ABCC5: variants seen among roughly 807,000 people sequenced by gnomAD.
ABCC5 encodes ATP binding cassette subfamily C member 5.
Under a neutral mutation model 160.9 loss-of-function variants are expected in ABCC5, and 61 were observed. The ratio of observed to expected loss-of-function variants is 0.38; its 90% CI spans 0.31 to 0.47. The LOEUF is 0.47. ABCC5 is among the 20% of genes least tolerant of loss of function. The pLI is 0.99. For missense variants in ABCC5, 1,308 were observed against 1,813.3 expected, an observed-to-expected ratio of 0.72 and a Z score of 5.06; for synonymous variants, 666 against 700.6, an observed-to-expected ratio of 0.95 and a Z score of 0.78.
chr3:183,924,009 G>GTT (rs1712266666), intron 29 of ABCC5, among the ~76,000 whole-genome samples: 1 of 88,920 alleles, frequency 1.1e-5, no homozygotes, highest in African/African-American at 4.4e-5. Flanking sequence ...TTTACTGTTT[G>GTT]CTTTTTTTTT....
intron 2 of ABCC5, among the ~76,000 whole-genome samples, chr3:183,997,974 G>A (rs1015941180): frequency 2.0e-4 from 30 of 152,006 alleles, no homozygotes; most frequent in African/African-American, 5.8e-4. Context: ...TTGTAGAGAC[G>A]GGTTCTTACT....
chr3:183,921,284 C>G lies in ABCC5; in HGVS notation c.*16G>C, dbSNP rs529958391. On this transcript the variant is annotated 3_prime_UTR_variant, in exon 30 of 30. Transcript: ENST00000334444. This position sits in a 1 kb window ranked among gnomAD's most constrained non-coding sequence, Gnocchi z 4.1. ...GCAATGCTCTAAAGAAAAGAGACTTCGTCAACAGGGAGGAGTCAGCCCTTG... is the reference window on the plus strand; with the variant it reads ...GCAATGCTCTAAAGAAAAGAGACTTGGTCAACAGGGAGGAGTCAGCCCTTG... The G allele has an allele frequency of 7.6e-6, 11 of 1,441,538 alleles. No homozygotes were observed. The highest frequency in any genetic ancestry group is 1.1e-5 in the Non-Finnish European group (11 of 1,031,790). 89.3% of individuals were successfully genotyped at this position (1,441,538 alleles called of 1,614,324 possible).
Position 183,921,540 on chromosome 3 carries a change from C to A in ABCC5, c.4213-139G>T. ...TCAACTAGCCCTGCGTGCACCTCCC[C>A]CCTTATTTTTTTATTTTCAACTATC... On this transcript the variant is annotated intron_variant, in intron 29 of 29. Transcript: ENST00000334444. This position sits in a 1 kb window ranked among gnomAD's most constrained non-coding sequence, Gnocchi z 4.1. 1 of 570,912 alleles carries A rather than the reference C, an allele frequency of 1.8e-6. No individual in the cohort carries two copies. The highest frequency in any genetic ancestry group is 2.8e-6 in the Non-Finnish European group (1 of 353,448). 35.4% of individuals were successfully genotyped at this position (570,912 alleles called of 1,614,324 possible).
chr3:183,942,856 G>A lies in ABCC5; in HGVS notation c.3565C>T (p.Gln1189Ter). 1 of 1,614,100 alleles carries A rather than the reference G, an allele frequency of 6.2e-7. No homozygotes were observed. Among genetic ancestry groups the A allele is most frequent in the Non-Finnish European group, 8.5e-7 (1 of 1,179,988 alleles). ...KNKAPSPDWPQEGEVTFENAE... is the reference protein window; with the variant it reads ...KNKAPSPDWP The stretch of plus-strand genomic sequence containing the variant: ...TTCTCAAAGGTCACCTCTCCCTCCT[G>A]GGGCCAGTCAGGGGAGGGAGCCTTG... Residue 1189 changes from glutamine to a stop codon, truncating the protein, a stop_gained, in exon 25 of 30, where the codon CAG becomes TAG. Coordinates refer to ENST00000334444, the MANE Select transcript of ABCC5 (RefSeq NM_005688.4). LOFTEE classifies it high-confidence loss of function.
Position 183,951,914 on chromosome 3 carries a change from G to C in ABCC5, c.2757C>G (p.Ala919=), listed in dbSNP as rs1460339837. ...GGATCAGCATGACTGCCATGGAGAG[G>C]GCGTAGATGCTGGCATAGTACTGCA... ...PHMQYYASIY[A]LSMAVMLILK... is the part of the protein sequence containing the mutation. Residue 919 remains alanine, a synonymous_variant, in exon 19 of 30, where the codon GCC becomes GCG. Transcript: ENST00000334444. This position sits in a 1 kb window ranked among gnomAD's most constrained non-coding sequence, Gnocchi z 4.7. 6.2e-7 allele frequency: 1 copy of C among 1,614,060 alleles called. No homozygotes were observed. The highest frequency in any genetic ancestry group is 1.1e-5 in the South Asian group (1 of 91,070).
intron 2 of ABCC5, among the ~76,000 whole-genome samples, chr3:184,008,147 G>C (rs1478072682): frequency 6.6e-6 from 1 of 152,152 alleles, no homozygotes; most frequent in Non-Finnish European, 1.5e-5. Context: ...TCTATTGGTG[G>C]ACAAGCAGGC....
Position 183,987,875 on chromosome 3 carries a change from T to C in ABCC5, c.486A>G (p.Pro162=). 1 of 1,614,172 alleles carries C rather than the reference T, an allele frequency of 6.2e-7. No homozygotes were observed. The highest frequency in any genetic ancestry group is 8.5e-7 in the Non-Finnish European group (1 of 1,180,044). ...LWQEELNEVG[P]DAASLRRVVW... The stretch of plus-strand genomic sequence containing the variant: ...CAACCCTTCGCAGGGAAGCAGCGTC[T>C]GGCCCAACTTCATTCAGCTCTTCTT... The change falls in exon 5 of 30, where the codon CCA becomes CCG. Residue 162 remains proline, a synonymous_variant. Coordinates refer to ENST00000334444, the MANE Select transcript of ABCC5 (RefSeq NM_005688.4). The surrounding 1 kb of genome is among the most constrained non-coding windows in gnomAD (Gnocchi z 4.2).
chr3:183,989,157 C>CAA (rs34892836), intron 3 of ABCC5, 69 bp downstream of exon 3: 1,615 of 568,662 alleles, frequency 2.8e-3, no homozygotes, highest in South Asian at 6.4e-3. Context: ...GACTCCATCT[C>CAA]AAAAAAAAAA....
At chr3:184,008,054 G>A (rs2108917038) in intron 2 of ABCC5, among the ~76,000 whole-genome samples, 1 of 152,250 alleles carries the variant, frequency 6.6e-6, no homozygotes, top group Middle Eastern at 3.4e-3. Flanking sequence ...TTCCCTGAGA[G>A]AGAAGCACTT....
intron 29 of ABCC5, among the ~76,000 whole-genome samples, chr3:183,925,104 A>G (rs1302410419): frequency 6.6e-6 from 1 of 152,250 alleles, no homozygotes; most frequent in East Asian, 1.9e-4. Context: ...TGATTGCAAA[A>G]AAGCAAACAT....
At chr3:183,999,720 A>G (rs1328393774) in intron 2 of ABCC5, among the ~76,000 whole-genome samples, 3 of 152,040 alleles carry the variant, frequency 2.0e-5, no homozygotes, top group South Asian at 2.1e-4. Flanking sequence ...TCGAGGGTAC[A>G]GTGAGCCATG....
intron 17 of ABCC5, among the ~76,000 whole-genome samples, chr3:183,957,885 T>TAC: frequency 8.3e-6 from 1 of 119,898 alleles, no homozygotes; most frequent in African/African-American, 3.1e-5. Flanking sequence ...GATCCGTGTG[T>TAC]ATATCACATC....
At position 183,987,349 on chromosome 3, in the gene ABCC5, A is replaced by T. The variant is rs981015509; in HGVS notation, c.591+421T>A. The T allele has an allele frequency of 7.7e-6, 3 of 391,502 alleles. No homozygotes were observed. The highest frequency in any genetic ancestry group is 6.0e-5 in the African/African-American group (3 of 49,730). The allele number at this position is 391,502 out of a possible 1,614,324, so 24.3% of individuals were successfully genotyped here. ...TTTTCTCAGGGCTTATTTGCCACAG[A>T]CCTGCCAAACATGTGATAACTGCCT... On this transcript the variant is annotated intron_variant, in intron 5 of 29. Transcript: ENST00000334444. The surrounding 1 kb of genome is among the most constrained non-coding windows in gnomAD (Gnocchi z 4.2).
intron 2 of ABCC5, among the ~76,000 whole-genome samples, chr3:183,990,395 G>A (rs912907527): frequency 3.3e-5 from 5 of 152,138 alleles, no homozygotes; most frequent in African/African-American, 1.2e-4. Flanking sequence ...GTGAGCTGCC[G>A]CGCCCAGCTT....
intron 5 of ABCC5, chr3:183,984,208 A>G (rs1292158446): frequency 2.4e-5 from 24 of 985,510 alleles, no homozygotes; most frequent in Non-Finnish European, 2.8e-5. Flanking sequence ...AGAATAAAAA[A>G]TCCTAGGCCT....
intron 2 of ABCC5, among the ~76,000 whole-genome samples, chr3:184,006,041 C>A (rs1270839059): frequency 6.6e-6 from 1 of 152,034 alleles, no homozygotes; most frequent in African/African-American, 2.4e-5. Context: ...GGCAGTCTTG[C>A]AGCAAACGGC....
Position 183,921,228 on chromosome 3 carries a change from G to T in ABCC5, c.*72C>A. 1.2e-6 allele frequency: 1 copy of T among 804,230 alleles called. No homozygotes were observed. Among genetic ancestry groups the T allele is most frequent in the Non-Finnish European group, 2.1e-6 (1 of 486,896 alleles). 49.8% of individuals were successfully genotyped at this position (804,230 alleles called of 1,614,324 possible). A position where few individuals can be genotyped will look rare whatever the true frequency, so the allele number is the denominator to read the frequency against. On this transcript the variant is annotated 3_prime_UTR_variant, in exon 30 of 30. Coordinates refer to ENST00000334444, the MANE Select transcript of ABCC5 (RefSeq NM_005688.4). This position sits in a 1 kb window ranked among gnomAD's most constrained non-coding sequence, Gnocchi z 4.1. The stretch of plus-strand genomic sequence containing the variant: ...AAAGGCAAGGTTTCGGTAGGAGGAC[G>T]CGATGAGGGGCCCGCCCCAGGCAGG...
At chr3:183,966,990 A>G (rs1717275955) in intron 12 of ABCC5, among the ~76,000 whole-genome samples, 1 of 149,906 alleles carries the variant, frequency 6.7e-6, no homozygotes, top group Non-Finnish European at 1.5e-5. Context: ...ATTCTAATGT[A>G]AAAGCATGTG....
chr3:183,984,113 G>A (rs748461992), intron 5 of ABCC5: 54 of 985,148 alleles, frequency 5.5e-5, no homozygotes, highest in Non-Finnish European at 6.0e-5. Context: ...AAAACAAAAC[G>A]AAAAGCTCCC....
Sources: allele counts gnomAD v4.1 joint callset (sites outside exome capture counted in the v4.1 genomes callset), GRCh38; gene constraint gnomAD v4.1.1; non-coding constraint Gnocchi (gnomAD v3.1); transcripts MANE v1.5; gene names NCBI Gene and HGNC (gene_info 2026-07-23, HGNC 2026-07-21).